SYT2: variants seen among roughly 807,000 people sequenced by gnomAD.
The protein encoded by SYT2 is synaptotagmin 2.
In SYT2, 15 loss-of-function variants were observed where a neutral mutation model predicts 39.9. The ratio of observed to expected loss-of-function variants is 0.38; its 90% CI spans 0.25 to 0.58. SYT2 has a LOEUF of 0.58. SYT2 is among the 20% of genes least tolerant of loss of function. The pLI is 0.70. For missense variants in SYT2, 389 were observed against 530.3 expected (o/e 0.73, Z 2.62); for synonymous variants, 181 against 204.5 (o/e 0.89, Z 0.98).
intron 1 of SYT2, among the ~76,000 whole-genome samples, chr1:202,634,905 A>G (rs10920429): frequency 0.081 from 12,273 of 152,196 alleles, 780 homozygotes; most frequent in East Asian, 0.32. Flanking sequence ...GTGACTGTTA[A>G]TATGTATGGA....
intron 1 of SYT2, among the ~76,000 whole-genome samples, chr1:202,709,793 C>T (rs1453944543): frequency 6.6e-6 from 1 of 152,206 alleles, no homozygotes; most frequent in Non-Finnish European, 1.5e-5. Flanking sequence ...GCCCCACTTC[C>T]CACGACGGCG....
Position 202,623,571 on chromosome 1 carries a change from C to T in SYT2, c.-17-17782G>A, listed in dbSNP as rs2149084445. On this transcript the variant is annotated intron_variant, in intron 1 of 8. Coordinates refer to ENST00000367268, the MANE Select transcript of SYT2 (RefSeq NM_177402.5). The surrounding 1 kb of genome is among the most constrained non-coding windows in gnomAD (Gnocchi z 4.2). ...GAGCAGGCCGGGAAGGGTGGGCGAC[C>T]CGGAATGAGTGATTGAGTGGGGACA... Among the ~76,000 whole-genome samples the T allele has an allele frequency of 6.6e-6, 1 of 152,324 alleles. No homozygotes were observed. The highest frequency in any genetic ancestry group is 2.1e-4 in the South Asian group (1 of 4,828).
chr1:202,692,762 A>G lies in SYT2; in HGVS notation c.-18+17496T>C, dbSNP rs555578159. Among the ~76,000 whole-genome samples, 479 of 152,294 alleles carry G rather than the reference A, an allele frequency of 3.1e-3. 1 individual carries two copies. The highest frequency in any genetic ancestry group is 0.017 in the Middle Eastern group (5 of 294). The stretch of plus-strand genomic sequence containing the variant: ...TTCTCCTCAGCCAGCTTCTACCTCC[A>G]AAATTGGAAAGTTAGGGCTGGGGGC... On this transcript the variant is annotated intron_variant, in intron 1 of 8. Coordinates refer to ENST00000367268, the MANE Select transcript of SYT2 (RefSeq NM_177402.5).
chr1:202,632,528 C>T (rs752650253), intron 1 of SYT2: 9 of 985,116 alleles, frequency 9.1e-6, no homozygotes, highest in Non-Finnish European at 1.1e-5. Context: ...GCTTGGCGCA[C>T]AGGCCTGCTG....
At chr1:202,648,329 C>T (rs901824926) in intron 1 of SYT2, among the ~76,000 whole-genome samples, 2 of 152,232 alleles carry the variant, frequency 1.3e-5, no homozygotes, top group African/African-American at 4.8e-5. Flanking sequence ...TACAGGCATG[C>T]ACCACCATGC....
intron 1 of SYT2, among the ~76,000 whole-genome samples, chr1:202,696,289 C>G (rs930201606): frequency 6.6e-6 from 1 of 152,092 alleles, no homozygotes; most frequent in African/African-American, 2.4e-5. Context: ...CAGGTGCACA[C>G]ACCCCTGGCA....
At chr1:202,659,531 G>C (rs1692341063) in intron 1 of SYT2, among the ~76,000 whole-genome samples, 1 of 152,228 alleles carries the variant, frequency 6.6e-6, no homozygotes, top group Admixed American at 6.5e-5. Context: ...TGGCCAGTAA[G>C]TGGCATTTTA....
chr1:202,598,419 C>T (rs1400235214), intron 8 of SYT2, among the ~76,000 whole-genome samples: 1 of 152,162 alleles, frequency 6.6e-6, no homozygotes, highest in African/African-American at 2.4e-5. Flanking sequence ...ACTGAGCTGC[C>T]CAGTGTTCCC....
intron 1 of SYT2, among the ~76,000 whole-genome samples, chr1:202,702,803 C>A (rs1174467774): frequency 6.6e-6 from 1 of 152,200 alleles, no homozygotes; most frequent in Non-Finnish European, 1.5e-5. Flanking sequence ...GAGGTAAAGA[C>A]CTGTACATTT....
intron 6 of SYT2, among the ~76,000 whole-genome samples, chr1:202,600,778 TGGATCTG>T (rs1419360119): frequency 2.6e-5 from 4 of 152,056 alleles, no homozygotes; most frequent in African/African-American, 7.2e-5. Context: ...GATCCCTGGG[TGGATCTG>T]GGATCTGGGA....
At chr1:202,651,034 T>G (rs1027965210) in intron 1 of SYT2, among the ~76,000 whole-genome samples, 2 of 151,826 alleles carry the variant, frequency 1.3e-5, no homozygotes, top group Non-Finnish European at 2.9e-5. Context: ...CGAAGGGCCT[T>G]GCAAGCCAGG....
chr1:202,628,143 A>G lies in SYT2; in HGVS notation c.-17-22354T>C, dbSNP rs16850143. On this transcript the variant is annotated intron_variant, in intron 1 of 8. Transcript: ENST00000367268. This position sits in a 1 kb window ranked among gnomAD's most constrained non-coding sequence, Gnocchi z 4.2. ...ACTGTGCCCACTCCGTGCCAGCGGC[A>G]TATTTCATTTCATCCGGGCCTTGTG... 0.066 allele frequency among the ~76,000 whole-genome samples: 10,080 copies of G among 152,238 alleles called. 581 individuals carry two copies. The highest frequency in any genetic ancestry group is 0.15 in the African/African-American group (6,239 of 41,522).
intron 1 of SYT2, among the ~76,000 whole-genome samples, chr1:202,684,367 A>G (rs2149114058): frequency 6.6e-6 from 1 of 151,238 alleles, no homozygotes; most frequent in African/African-American, 2.4e-5. Flanking sequence ...TCAATTCCAC[A>G]TATAAGTGAG....
rs538623562 is a variant in SYT2, at chr1:202,616,470, G to A, written c.-17-10681C>T. Among the ~76,000 whole-genome samples, 3 of 152,050 alleles carry A rather than the reference G, an allele frequency of 2.0e-5. No individual in the cohort carries two copies. In the East Asian group the frequency reaches 5.8e-4, roughly 29 times the overall value. The stretch of plus-strand genomic sequence containing the variant: ...GCCTTGTTCTCCCCTTCGTGACCAC[G>A]CACACACACTTGCACACACATACAC... On this transcript the variant is annotated intron_variant, in intron 1 of 8. Coordinates refer to ENST00000367268, the MANE Select transcript of SYT2 (RefSeq NM_177402.5).
chr1:202,643,686 T>A (rs1311112972), intron 1 of SYT2, among the ~76,000 whole-genome samples: 2 of 151,798 alleles, frequency 1.3e-5, no homozygotes, highest in African/African-American at 2.4e-5. Context: ...GAGGGGAAAA[T>A]GGGCGACAGG....
chr1:202,615,830 T>C lies in SYT2; in HGVS notation c.-17-10041A>G, dbSNP rs140927586. Among the ~76,000 whole-genome samples the C allele has an allele frequency of 5.0e-3, 755 of 152,262 alleles. 5 individuals carry two copies. Among genetic ancestry groups the C allele is most frequent in the African/African-American group, 0.018 (736 of 41,550 alleles). ...TCTCCCTGACCTCCCTGGGCCACCATCAGCCCCTCTAGTCTTCTTTTCCCA... is the reference window on the plus strand; with the variant it reads ...TCTCCCTGACCTCCCTGGGCCACCACCAGCCCCTCTAGTCTTCTTTTCCCA... On this transcript the variant is annotated intron_variant, in intron 1 of 8. Coordinates refer to ENST00000367268, the MANE Select transcript of SYT2 (RefSeq NM_177402.5).
At chr1:202,633,271 A>G (rs539831892) in intron 1 of SYT2, among the ~76,000 whole-genome samples, 1 of 152,258 alleles carries the variant, frequency 6.6e-6, no homozygotes, top group East Asian at 1.9e-4. Flanking sequence ...ATCCCAAACC[A>G]GGAGCTAGGC....
At chr1:202,659,360 C>G (rs1692337803) in intron 1 of SYT2, among the ~76,000 whole-genome samples, 1 of 152,140 alleles carries the variant, frequency 6.6e-6, no homozygotes, top group Non-Finnish European at 1.5e-5. Flanking sequence ...CTGAATGGAA[C>G]CAGGGGCAGA....
chr1:202,692,221 G>A (rs1008075269), intron 1 of SYT2, among the ~76,000 whole-genome samples: 9 of 152,152 alleles, frequency 5.9e-5, no homozygotes, highest in Non-Finnish European at 1.0e-4. Flanking sequence ...TAACCCCTAT[G>A]TAGCTTGCTC....
Sources: allele counts gnomAD v4.1 joint callset (sites outside exome capture counted in the v4.1 genomes callset), GRCh38; gene constraint gnomAD v4.1.1; non-coding constraint Gnocchi (gnomAD v3.1); transcripts MANE v1.5; gene names NCBI Gene and HGNC (gene_info 2026-07-23, HGNC 2026-07-21).